CHST9: variants seen among roughly 807,000 people sequenced by gnomAD.
The protein encoded by CHST9 is GalNAc-4-sulfotransferase 2.
Under a neutral mutation model 44.4 loss-of-function variants are expected in CHST9, and 41 were observed. The observed-to-expected ratio is 0.92, with a 90% CI of 0.72 to 1.20. The LOEUF is 1.20. Among genes scored for constraint, CHST9 ranks in the 50% most tolerant of loss-of-function variants. The probability of loss-of-function intolerance (pLI) is 0.00; values close to 1 mark genes in which losing one functional copy is unlikely to be tolerated. For missense variants in CHST9, 504 were observed against 516.5 expected (o/e 0.98, Z 0.23); for synonymous variants, 171 against 178.4 (o/e 0.96, Z 0.33).
intron 2 of CHST9, 146 bp from the exon 3 acceptor site, chr18:27,048,649 C>G (rs1338879626): frequency 1.8e-6 from 1 of 562,894 alleles, no homozygotes. Context: ...CTGGGCTCAG[C>G]TGACAGGCAT....
At chr18:26,933,345 AG>A (rs1877249887) in intron 5 of CHST9, among the ~76,000 whole-genome samples, 1 of 152,228 alleles carries the variant, frequency 6.6e-6, no homozygotes, top group Admixed American at 6.5e-5. Context: ...CTTATCTGTA[AG>A]AGATAATGAT....
At chr18:26,942,794 C>G (rs2056103473) in intron 5 of CHST9, among the ~76,000 whole-genome samples, 1 of 152,122 alleles carries the variant, frequency 6.6e-6, no homozygotes, top group African/African-American at 2.4e-5. Context: ...TGAGCACATA[C>G]AAATAATTTT....
intron 2 of CHST9, among the ~76,000 whole-genome samples, chr18:27,139,039 A>G (rs1264943978): frequency 6.6e-6 from 1 of 152,180 alleles, no homozygotes; most frequent in Non-Finnish European, 1.5e-5. Context: ...TCTCTGTCAT[A>G]CAGCTTCTCT....
At chr18:27,124,670 T>A (rs1236861710) in intron 2 of CHST9, among the ~76,000 whole-genome samples, 1 of 152,242 alleles carries the variant, frequency 6.6e-6, no homozygotes, top group Non-Finnish European at 1.5e-5. Context: ...CAGTTATAAC[T>A]TTTCCCTTAG....
rs537230720 is a variant in CHST9, at chr18:27,027,315, T to C, written c.161-3158A>G. 3.9e-5 allele frequency among the ~76,000 whole-genome samples: 6 copies of C among 152,364 alleles called. No homozygotes were observed. The South Asian group carries it at 1.2e-3, about 32-fold the overall frequency. The stretch of plus-strand genomic sequence containing the variant: ...GGGTTACATTTGGAATGCCAAGGCT[T>C]TATTTTCAATAATGAATCAGGATTT... On this transcript the variant is annotated intron_variant, in intron 3 of 5. Coordinates refer to ENST00000618847, the MANE Select transcript of CHST9 (RefSeq NM_031422.6).
intron 4 of CHST9, among the ~76,000 whole-genome samples, chr18:26,977,254 G>A (rs1319804824): frequency 6.6e-6 from 1 of 152,032 alleles, no homozygotes; most frequent in Non-Finnish European, 1.5e-5. Context: ...CTAAATGCTT[G>A]GGTTAGAAAG....
chr18:27,162,831 C>T (rs1567945082), intron 1 of CHST9, among the ~76,000 whole-genome samples: 1 of 152,200 alleles, frequency 6.6e-6, no homozygotes, highest in Non-Finnish European at 1.5e-5. Context: ...CATTCTCCAT[C>T]CAGCTTTGTT....
chr18:26,971,540 C>T (rs951184660), intron 4 of CHST9, among the ~76,000 whole-genome samples: 30 of 152,206 alleles, frequency 2.0e-4, no homozygotes, highest in Non-Finnish European at 3.1e-4. Flanking sequence ...ACTCTATGTC[C>T]TTTGATGGCT....
intron 4 of CHST9, among the ~76,000 whole-genome samples, chr18:26,969,121 C>T (rs938943167): frequency 6.6e-6 from 1 of 151,966 alleles, no homozygotes; most frequent in African/African-American, 2.4e-5. Context: ...GCCTCAGCCT[C>T]CCAAGTAGTT....
chr18:27,045,907 G>A (rs1044917298), intron 3 of CHST9, among the ~76,000 whole-genome samples: 6 of 151,978 alleles, frequency 3.9e-5, no homozygotes, highest in African/African-American at 9.7e-5. Flanking sequence ...TCAGCTAGAC[G>A]CTTTACTGAG....
At chr18:27,086,739 G>T (rs2058016021) in intron 2 of CHST9, among the ~76,000 whole-genome samples, 1 of 152,012 alleles carries the variant, frequency 6.6e-6, no homozygotes, top group African/African-American at 2.4e-5. Flanking sequence ...AATAATTTTT[G>T]ATTTTTTTCT....
chr18:27,032,231 G>C (rs923161926), intron 3 of CHST9, among the ~76,000 whole-genome samples: 3 of 152,094 alleles, frequency 2.0e-5, no homozygotes, highest in African/African-American at 7.2e-5. Context: ...CTGGCACACA[G>C]AAACACCCCG....
chr18:27,112,597 G>GTGTGTGTGTGTGTGTT (rs1555624904), intron 2 of CHST9, among the ~76,000 whole-genome samples: 17 of 150,394 alleles, frequency 1.1e-4, no homozygotes, highest in African/African-American at 4.2e-4. Flanking sequence ...GTGTGTGTGT[G>GTGTGTGTGTGTGTGTT]TGTGTGTGTG....
intron 4 of CHST9, among the ~76,000 whole-genome samples, chr18:26,946,206 G>A (rs750590689): frequency 9.9e-5 from 15 of 152,182 alleles, no homozygotes; most frequent in Non-Finnish European, 2.2e-4. Flanking sequence ...TGTGGGAAAA[G>A]GTTGGCCTTT....
intron 4 of CHST9, among the ~76,000 whole-genome samples, chr18:26,963,052 C>T (rs2056420287): frequency 6.6e-6 from 1 of 152,142 alleles, no homozygotes; most frequent in Non-Finnish European, 1.5e-5. Context: ...GTTATTAATT[C>T]ACCCATTTAG....
chr18:27,153,506 GTCTCTGTCTC>G (rs1432119678), intron 1 of CHST9, among the ~76,000 whole-genome samples: 4 of 149,528 alleles, frequency 2.7e-5, no homozygotes, highest in Non-Finnish European at 5.9e-5. Context: ...CTTTGTCTCT[GTCTCTGTCTC>G]TCTCTGTCTT....
At chr18:26,974,754 A>G (rs984571419) in intron 4 of CHST9, among the ~76,000 whole-genome samples, 4 of 151,320 alleles carry the variant, frequency 2.6e-5, no homozygotes, top group African/African-American at 9.7e-5. Flanking sequence ...GCTCACCGCA[A>G]CCTCTGCATC....
chr18:27,113,693 T>A (rs376978632), intron 2 of CHST9, among the ~76,000 whole-genome samples: 1 of 152,156 alleles, frequency 6.6e-6, no homozygotes, highest in Admixed American at 6.5e-5. Flanking sequence ...ACTGAATCTA[T>A]TGGCACCTTG....
chr18:27,010,286 C>T (rs1184360), intron 4 of CHST9, among the ~76,000 whole-genome samples: 52,419 of 151,986 alleles, frequency 0.34, 9,751 homozygotes, highest in East Asian at 0.47. Flanking sequence ...TTTCTCACTT[C>T]GACTTCCTTC....
Sources: allele counts gnomAD v4.1 joint callset (sites outside exome capture counted in the v4.1 genomes callset), GRCh38; gene constraint gnomAD v4.1.1; transcripts MANE v1.5; gene names NCBI Gene and HGNC (gene_info 2026-07-23, HGNC 2026-07-21).